OR4K17: variants seen among roughly 807,000 people sequenced by gnomAD.
OR4K17 encodes the protein olfactory receptor 4K17.
For synonymous variants in OR4K17, 157 were observed against 132.8 expected, an observed-to-expected ratio of 1.18 and a Z score of -1.25; for missense variants, 480 against 366.3, an observed-to-expected ratio of 1.31 and a Z score of -2.53.
intron 1 of OR4K17, 154 bp from the exon 2 acceptor site, chr14:20,117,314 C>T (rs569627208): frequency 4.8e-5 from 40 of 839,982 alleles, no homozygotes; most frequent in African/African-American, 2.5e-4. Flanking sequence ...TCAGACTATA[C>T]GTCTCCTTTT....
rs182098456 is a variant in OR4K17, at chr14:20,112,057, T to C, written c.-33+1165T>C. 20 of 152,122 alleles carry C rather than the reference T, an allele frequency of 1.3e-4. No individual in the cohort carries two copies. The East Asian group carries it at 3.9e-3, about 29-fold the overall frequency. 9.4% of individuals were successfully genotyped at this position (152,122 alleles called of 1,614,324 possible). On this transcript the variant is annotated intron_variant, in intron 1 of 1. Coordinates refer to ENST00000641386, the MANE Select transcript of OR4K17 (RefSeq NM_001004715.5). The stretch of plus-strand genomic sequence containing the variant: ...GTCAGGAAAAGAAGTTTGGAACTTG[T>C]CATTTATTCAGAGGAGTAAGGAAAA...
chr14:20,118,297 T>A lies in OR4K17; in HGVS notation c.798T>A (p.Ser266=). 7 of 1,613,882 alleles carry A rather than the reference T, an allele frequency of 4.3e-6. No individual in the cohort carries two copies. Among genetic ancestry groups the A allele is most frequent in the Non-Finnish European group, 5.9e-6 (7 of 1,179,792 alleles). The stretch of plus-strand genomic sequence containing the variant: ...ACATTTGGCCCTTCGGCAACCACTC[T>A]GTAGATAAGTTCCTTGCTGTGTTTT... ...FIYIWPFGNH[S]VDKFLAVFYT... Residue 266 remains serine, a synonymous_variant, in exon 2 of 2, where the codon TCT becomes TCA. Transcript: ENST00000641386.
chr14:20,113,170 T>A (rs1334633441), intron 1 of OR4K17, among the ~76,000 whole-genome samples: 1 of 152,044 alleles, frequency 6.6e-6, no homozygotes, highest in Non-Finnish European at 1.5e-5. Flanking sequence ...TGCAATAATT[T>A]GCCTCAGGGC....
chr14:20,111,306 G>A (rs55894341), intron 1 of OR4K17, among the ~76,000 whole-genome samples: 61,002 of 151,728 alleles, frequency 0.4, 12,643 homozygotes, highest in East Asian at 0.67. Flanking sequence ...GTAGTACTAT[G>A]AGGGTACAGA....
At position 20,120,292 on chromosome 14, in the gene OR4K17, C is replaced by A. The variant is rs896408329; in HGVS notation, c.*1854C>A. On this transcript the variant is annotated 3_prime_UTR_variant, in exon 2 of 2. Transcript: ENST00000641386. ...CTAAGAAACCAGTAATTCAGACTTT[C>A]CATATCTACCTACACTCATTTTTCT... The A allele has an allele frequency of 6.6e-6, 1 of 152,168 alleles. No homozygotes were observed. Among genetic ancestry groups the A allele is most frequent in the African/African-American group, 2.4e-5 (1 of 41,420 alleles). The allele number at this position is 152,168 out of a possible 1,614,324, so 9.4% of individuals were successfully genotyped here.
At position 20,121,639 on chromosome 14, in the gene OR4K17, A is replaced by G. The variant is rs1878171972; in HGVS notation, c.*3201A>G. Reference sequence around the variant, plus strand: ...CTATAGAGCATTTACAAAAACAAAAAAAATAAAAAATCAAAGCATATGCTG... The same window carrying G: ...CTATAGAGCATTTACAAAAACAAAAGAAATAAAAAATCAAAGCATATGCTG... On this transcript the variant is annotated 3_prime_UTR_variant, in exon 2 of 2. Transcript: ENST00000641386. 6.6e-6 allele frequency: 1 copy of G among 152,076 alleles called. No homozygotes were observed. Among genetic ancestry groups the G allele is most frequent in the African/African-American group, 2.4e-5 (1 of 41,452 alleles). 9.4% of individuals were successfully genotyped at this position (152,076 alleles called of 1,614,324 possible).
chr14:20,114,407 G>A (rs901140236), intron 1 of OR4K17, among the ~76,000 whole-genome samples: 2 of 151,976 alleles, frequency 1.3e-5, no homozygotes, highest in Non-Finnish European at 2.9e-5. Flanking sequence ...TTTTGTAGAG[G>A]TTGTGAGGTA....
chr14:20,113,080 C>T (rs183846596), intron 1 of OR4K17, among the ~76,000 whole-genome samples: 8 of 151,972 alleles, frequency 5.3e-5, no homozygotes, highest in African/African-American at 1.9e-4. Flanking sequence ...TAGAGTAGAA[C>T]ATAACTTGTG....
At position 20,119,534 on chromosome 14, in the gene OR4K17, GTTC is replaced by G. The variant is rs1878108007; in HGVS notation, c.*1101_*1103del. The G allele has an allele frequency of 6.6e-6, 1 of 152,318 alleles. No individual in the cohort carries two copies. The highest frequency in any genetic ancestry group is 2.0e-4 in the South Asian group (1 of 4,980). 9.4% of individuals were successfully genotyped at this position (152,318 alleles called of 1,614,324 possible). ...TGTCCATGAAATCTTCAAAATTTAT[GTTC>G]TTCTGTCACGGCTTCAGCAGGTCCC... On this transcript the variant is annotated 3_prime_UTR_variant, in exon 2 of 2. Coordinates refer to ENST00000641386, the MANE Select transcript of OR4K17 (RefSeq NM_001004715.5).
rs752841273 is a variant in OR4K17, at chr14:20,118,456, A to G, written c.*18A>G. On this transcript the variant is annotated 3_prime_UTR_variant, in exon 2 of 2. Coordinates refer to ENST00000641386, the MANE Select transcript of OR4K17 (RefSeq NM_001004715.5). ...ATACTTAGATTAAAAATATAATGGT[A>G]GAGGCCGGGCATGGTGGCTGATGCC... 2 of 1,486,654 alleles carry G rather than the reference A, an allele frequency of 1.3e-6. No individual in the cohort carries two copies. The highest frequency in any genetic ancestry group is 1.4e-5 in the African/African-American group (1 of 71,668). 92.1% of individuals were successfully genotyped at this position (1,486,654 alleles called of 1,614,324 possible).
intron 1 of OR4K17, among the ~76,000 whole-genome samples, chr14:20,115,934 G>C (rs1877981684): frequency 6.6e-6 from 1 of 152,098 alleles, no homozygotes; most frequent in Admixed American, 6.6e-5. Context: ...TTGTATTTGA[G>C]TTGATTCAAA....
intron 1 of OR4K17, among the ~76,000 whole-genome samples, chr14:20,113,164 A>G (rs1877917346): frequency 6.6e-6 from 1 of 152,080 alleles, no homozygotes; most frequent in East Asian, 1.9e-4. Context: ...AGGTCATGCA[A>G]TAATTTGCCT....
At chr14:20,111,108 T>C (rs1387783894) in intron 1 of OR4K17, among the ~76,000 whole-genome samples, 1 of 152,064 alleles carries the variant, frequency 6.6e-6, no homozygotes, top group African/African-American at 2.4e-5. Context: ...GTGAAGTTCC[T>C]AGTACAGAGT....
Position 20,119,664 on chromosome 14 carries a change from C to G in OR4K17, c.*1226C>G, listed in dbSNP as rs1426727233. 6.6e-6 allele frequency: 1 copy of G among 152,048 alleles called. No homozygotes were observed. Among genetic ancestry groups the G allele is most frequent in the Non-Finnish European group, 1.5e-5 (1 of 68,040 alleles). The allele number at this position is 152,048 out of a possible 1,614,324, so 9.4% of individuals were successfully genotyped here. ...ACCAGCCTGGCCAACATGGCGAAAC[C>G]CTGCCTCTACCAAAAATACAAAAAT... On this transcript the variant is annotated 3_prime_UTR_variant, in exon 2 of 2. Transcript: ENST00000641386.
Position 20,120,179 on chromosome 14 carries a change from T to C in OR4K17, c.*1741T>C, listed in dbSNP as rs1287595750. 6.6e-6 allele frequency: 1 copy of C among 152,204 alleles called. No homozygotes were observed. Among genetic ancestry groups the C allele is most frequent in the African/African-American group, 2.4e-5 (1 of 41,466 alleles). The allele number at this position is 152,204 out of a possible 1,614,324, so 9.4% of individuals were successfully genotyped here. ...ATTTTTACTGTATAATTGAGTTAAA[T>C]GATTTGGCACTCACTGTGAGATCAT... On this transcript the variant is annotated 3_prime_UTR_variant, in exon 2 of 2. Coordinates refer to ENST00000641386, the MANE Select transcript of OR4K17 (RefSeq NM_001004715.5).
rs1043654474 is a variant in OR4K17, at chr14:20,119,857, T to A, written c.*1419T>A. 1.3e-5 allele frequency: 2 copies of A among 151,998 alleles called. No homozygotes were observed. Among genetic ancestry groups the A allele is most frequent in the Non-Finnish European group, 2.9e-5 (2 of 67,984 alleles). 9.4% of individuals were successfully genotyped at this position (151,998 alleles called of 1,614,324 possible). A position where few individuals can be genotyped will look rare whatever the true frequency, so the allele number is the denominator to read the frequency against. ...CATCTTAAAATAATAATAATAATAG[T>A]AGCAGAGAAACAATAATTTTTTATA... On this transcript the variant is annotated 3_prime_UTR_variant, in exon 2 of 2. Transcript: ENST00000641386.
chr14:20,111,946 A>T (rs1252279228), intron 1 of OR4K17: 1 of 152,022 alleles, frequency 6.6e-6, no homozygotes, highest in African/African-American at 2.4e-5. Context: ...TGGAAAGAGC[A>T]ATCCAAGATC....
chr14:20,117,872 G>A lies in OR4K17; in HGVS notation c.373G>A (p.Ala125Thr). ...CTCCATGGCTTTTGACAGATATGTG[G>A]CCATTTGTAAGCCCCTACACTACAT... The part of the protein sequence containing the change: ...LVSMAFDRYV[A>T]ICKPLHYMTI... The change falls in exon 2 of 2, where the codon GCC (alanine) becomes ACC (threonine). Residue 125 changes from alanine (A) to threonine (T), a missense_variant. Physicochemically the swap from Ala to Thr is moderately conservative, Grantham distance 58. Coordinates refer to ENST00000641386, the MANE Select transcript of OR4K17 (RefSeq NM_001004715.5). The A allele has an allele frequency of 6.2e-7, 1 of 1,613,970 alleles. No individual in the cohort carries two copies. The highest frequency in any genetic ancestry group is 8.5e-7 in the Non-Finnish European group (1 of 1,179,978).
chr14:20,115,579 C>T (rs969350210), intron 1 of OR4K17, among the ~76,000 whole-genome samples: 5 of 152,006 alleles, frequency 3.3e-5, no homozygotes, highest in Admixed American at 2.6e-4. Context: ...TGTGTATCTA[C>T]AGTACTGTTA....
Sources: gnomAD v4.1 joint callset for allele counts (sites outside exome capture counted in the v4.1 genomes callset) on GRCh38, gnomAD v4.1.1 for gene constraint, MANE v1.5 for transcripts, NCBI Gene and HGNC (gene_info 2026-07-23, HGNC 2026-07-21) for gene names.